Variants in PNPLA4 observed in about 807,000 individuals in gnomAD.
PNPLA4 encodes the protein patatin-like phospholipase domain-containing protein 4.
PNPLA4 carries 15 observed loss-of-function variants against 18.3 expected under a neutral mutation model. The observed-to-expected ratio is 0.82, with a 90% CI of 0.55 to 1.26. The LOEUF is 1.26. PNPLA4 is among the 50% of genes most tolerant of loss of function. PNPLA4 has a pLI of 0.00. For synonymous variants in PNPLA4, 88 were observed against 85.6 expected (o/e 1.03, Z -0.16); for missense variants, 229 against 196.8 (o/e 1.16, Z -0.98).
At position 7,926,099 on chromosome X, in the gene PNPLA4, T is replaced by C; in HGVS notation, c.21A>G (p.Ser7=). The C allele has an allele frequency of 8.3e-7, 1 of 1,209,526 alleles. No homozygotes were observed. Among genetic ancestry groups the C allele is most frequent in the Non-Finnish European group, 1.1e-6 (1 of 894,140 alleles). ...TGCCCAGAAATCCACACGCTGCAAATGATAGGTTGATGTGCTTCATTCTAG... is the reference window on the plus strand; with the variant it reads ...TGCCCAGAAATCCACACGCTGCAAACGATAGGTTGATGTGCTTCATTCTAG... MKHINL[S]FAACGFLGIY... Residue 7 remains serine (S), a synonymous_variant, in exon 2 of 7, where the codon TCA becomes TCG. Coordinates refer to ENST00000381042, the MANE Select transcript of PNPLA4 (RefSeq NM_004650.3).
intron 4 of PNPLA4, among the ~76,000 whole-genome samples, chrX:7,915,152 CAT>C (rs1172751309): frequency 9.0e-6 from 1 of 111,297 alleles, no homozygotes; most frequent in Non-Finnish European, 1.9e-5. Context: ...TATGCCTAAA[CAT>C]GTGCTTTTAG....
At chrX:7,910,459 A>G (rs772080486) in intron 5 of PNPLA4, among the ~76,000 whole-genome samples, 1 of 110,291 alleles carries the variant, frequency 9.1e-6, no homozygotes, top group South Asian at 3.8e-4. Flanking sequence ...CTTTGTATGT[A>G]CTCTTTTATT....
At chrX:7,907,361 A>G (rs1188366338) in intron 5 of PNPLA4, among the ~76,000 whole-genome samples, 2 of 112,261 alleles carry the variant, frequency 1.8e-5, no homozygotes, top group African/African-American at 3.2e-5. Flanking sequence ...CCAGTTCTGG[A>G]GATGATTTTA....
chrX:7,926,744 T>C, intron 1 of PNPLA4, among the ~76,000 whole-genome samples: 1 of 112,331 alleles, frequency 8.9e-6, no homozygotes, highest in Non-Finnish European at 1.9e-5. Flanking sequence ...AGGTCATGCC[T>C]GGTGAAGGCA....
intron 4 of PNPLA4, among the ~76,000 whole-genome samples, chrX:7,914,424 T>C (rs1338017210): frequency 8.9e-6 from 1 of 111,827 alleles, no homozygotes; most frequent in African/African-American, 3.3e-5. Flanking sequence ...CAGAGAAAGG[T>C]TGTTTACGGT....
In PNPLA4 at chrX:7,900,679, A is replaced by C. The variant is rs770151136; in HGVS notation, c.*7T>G. 1 of 1,113,789 alleles carries C rather than the reference A, an allele frequency of 9.0e-7. No homozygotes were observed. The highest frequency in any genetic ancestry group is 3.1e-5 in the East Asian group (1 of 32,767). The allele number at this position is 1,113,789 out of a possible 1,213,427, so 91.8% of individuals were successfully genotyped here. On this transcript the variant is annotated 3_prime_UTR_variant, in exon 7 of 7. Coordinates refer to ENST00000381042, the MANE Select transcript of PNPLA4 (RefSeq NM_004650.3). ...AACGTGTTTTGCATTATAAACTTTT[A>C]TGCATTTTATTCAAACCAATTTTCT...
chrX:7,904,858 G>A (rs1362696168), intron 5 of PNPLA4, among the ~76,000 whole-genome samples: 3 of 111,231 alleles, frequency 2.7e-5, no homozygotes, highest in Admixed American at 9.6e-5. Flanking sequence ...GGTCTACCCC[G>A]TTAGAGTTTT....
intron 4 of PNPLA4, among the ~76,000 whole-genome samples, chrX:7,912,846 ACT>A (rs748063000): frequency 4.5e-5 from 5 of 111,580 alleles, no homozygotes; most frequent in African/African-American, 1.3e-4. Flanking sequence ...TAAGTGAAAG[ACT>A]CTGGCTGTTT....
Position 7,899,612 on chromosome X carries a change from T to G in PNPLA4, c.*1074A>C, listed in dbSNP as rs1923448429. On this transcript the variant is annotated 3_prime_UTR_variant, in exon 7 of 7. Coordinates refer to ENST00000381042, the MANE Select transcript of PNPLA4 (RefSeq NM_004650.3). The stretch of plus-strand genomic sequence containing the variant: ...AGTATATAGAACAATAGCTAAATAC[T>G]CAGAGAGGTATGGCGAGAGAGAGAG... The G allele has an allele frequency of 1.9e-5, 1 of 53,089 alleles. No individual in the cohort carries two copies. The highest frequency in any genetic ancestry group is 7.6e-5 in the African/African-American group (1 of 13,191). 4.4% of individuals were successfully genotyped at this position (53,089 alleles called of 1,213,427 possible). A position where few individuals can be genotyped will look rare whatever the true frequency, so the allele number is the denominator to read the frequency against.
intron 4 of PNPLA4, among the ~76,000 whole-genome samples, chrX:7,914,739 G>GA (rs1310513047): frequency 9.3e-6 from 1 of 107,360 alleles, no homozygotes; most frequent in East Asian, 2.9e-4. Flanking sequence ...TTAGAATTAT[G>GA]TTTTTTTTTT....
At chrX:7,903,797 C>A (rs1923622961) in intron 5 of PNPLA4, among the ~76,000 whole-genome samples, 1 of 111,429 alleles carries the variant, frequency 9.0e-6, no homozygotes, top group African/African-American at 3.3e-5. Flanking sequence ...TAAAACTGAC[C>A]TGCATAATTT....
intron 1 of PNPLA4, 105 bp from the exon 2 acceptor site, chrX:7,926,237 C>T (rs1924400757): frequency 3.6e-6 from 2 of 559,935 alleles, no homozygotes; most frequent in Non-Finnish European, 5.5e-6. Flanking sequence ...TAACATCATT[C>T]TCTGTTTTAA....
chrX:7,918,061 T>A (rs1924098745), intron 4 of PNPLA4, among the ~76,000 whole-genome samples: 1 of 111,624 alleles, frequency 9.0e-6, no homozygotes, highest in South Asian at 3.7e-4. Context: ...ATCACCAGTG[T>A]TTAGTATTTC....
chrX:7,922,614 T>C (rs190488122), intron 2 of PNPLA4, among the ~76,000 whole-genome samples: 2 of 112,234 alleles, frequency 1.8e-5, no homozygotes, highest in South Asian at 3.7e-4. Flanking sequence ...GGGATGCTCA[T>C]GTCTACCCTG....
intron 1 of PNPLA4, 34 bp downstream of exon 1, chrX:7,927,252 G>C (rs191405157): frequency 8.8e-6 from 1 of 113,583 alleles, no homozygotes; most frequent in East Asian, 2.8e-4. Context: ...AGTCCCGCAG[G>C]AGCACACCCT....
intron 5 of PNPLA4, among the ~76,000 whole-genome samples, chrX:7,908,844 CT>C (rs1455925653): frequency 8.9e-6 from 1 of 111,956 alleles, no homozygotes; most frequent in Non-Finnish European, 1.9e-5. Flanking sequence ...GGGTGGGTCG[CT>C]TTCCATCTTC....
rs369470682 is a variant in PNPLA4 at position 7,926,097 on chromosome X, A to T, written c.23T>A (p.Phe8Tyr). The T allele has an allele frequency of 4.1e-6, 5 of 1,209,122 alleles. No homozygotes were observed. The highest frequency in any genetic ancestry group is 5.6e-6 in the Non-Finnish European group (5 of 894,373). The change falls in exon 2 of 7, where the codon TTT becomes TAT. Residue 8 changes from phenylalanine to tyrosine, a missense_variant. Transcript: ENST00000381042. MKHINLSFAACGFLGIYH... is the reference protein window; with the variant it reads MKHINLSYAACGFLGIYH... ...AATGCCCAGAAATCCACACGCTGCA[A>T]ATGATAGGTTGATGTGCTTCATTCT...
At chrX:7,926,286 T>A (rs957717267) in intron 1 of PNPLA4, among the ~76,000 whole-genome samples, 154 bp from the exon 2 acceptor site, 1 of 112,865 alleles carries the variant, frequency 8.9e-6, no homozygotes, top group Admixed American at 9.3e-5. Context: ...AACACAAGAA[T>A]CTTTCAAGGA....
intron 5 of PNPLA4, among the ~76,000 whole-genome samples, chrX:7,903,274 G>GTTTGTTTA (rs757206168): frequency 2.8e-4 from 26 of 93,041 alleles, no homozygotes; most frequent in Admixed American, 7.2e-4. Flanking sequence ...TCCTTCTTGT[G>GTTTGTTTA]TTTATTTATT....
Sources: allele counts gnomAD v4.1 joint callset (sites outside exome capture counted in the v4.1 genomes callset), GRCh38; gene constraint gnomAD v4.1.1; transcripts MANE v1.5; gene names NCBI Gene and HGNC (gene_info 2026-07-23, HGNC 2026-07-21).